Variants in PKHD1 observed in about 807,000 individuals in gnomAD.
PKHD1 encodes the protein PKHD1 ciliary IPT domain containing fibrocystin/polyductin.
PKHD1 carries 291 observed loss-of-function variants against 412.0 expected under a neutral mutation model. That is an observed-to-expected ratio of 0.71 (90% CI 0.64 to 0.78). The LOEUF is 0.78. PKHD1 is among the 30% of genes least tolerant of loss of function. The probability of loss-of-function intolerance (pLI) is 0.00; values close to 1 mark genes in which losing one functional copy is unlikely to be tolerated. For missense variants in PKHD1, 4,825 were observed against 4,950.7 expected (o/e 0.97, Z 0.76); for synonymous variants, 1,777 against 1,821.5 (o/e 0.98, Z 0.62).
At chr6:51,715,977 T>A (rs1371893223) in intron 60 of PKHD1, among the ~76,000 whole-genome samples, 1 of 152,230 alleles carries the variant, frequency 6.6e-6, no homozygotes, top group Non-Finnish European at 1.5e-5. Flanking sequence ...AAAGTTTTAC[T>A]TCTAGAGATG....
At chr6:51,679,907 C>A (rs935767616) in intron 60 of PKHD1, among the ~76,000 whole-genome samples, 4 of 152,002 alleles carry the variant, frequency 2.6e-5, no homozygotes, top group South Asian at 4.1e-4. Context: ...AGATGTTATA[C>A]CACAGTGATT....
intron 18 of PKHD1, among the ~76,000 whole-genome samples, chr6:52,056,011 G>A (rs1807668207): frequency 6.6e-6 from 1 of 152,150 alleles, no homozygotes; most frequent in Admixed American, 6.5e-5. Flanking sequence ...TAATATTTTA[G>A]GGGCTGGATA....
At chr6:51,687,273 C>T (rs982142731) in intron 60 of PKHD1, among the ~76,000 whole-genome samples, 2 of 151,056 alleles carry the variant, frequency 1.3e-5, no homozygotes, top group African/African-American at 4.9e-5. Context: ...CAACAAAAAT[C>T]AGATGATAAA....
intron 27 of PKHD1, 41 bp from the exon 28 acceptor site, chr6:52,035,762 T>C (rs1477127090): frequency 2.5e-6 from 4 of 1,602,282 alleles, no homozygotes; most frequent in Admixed American, 3.3e-5. Flanking sequence ...TCACCAACCA[T>C]ACAGGCAGAC....
intron 35 of PKHD1, among the ~76,000 whole-genome samples, chr6:51,974,169 G>C (rs956849406): frequency 6.6e-6 from 1 of 152,084 alleles, no homozygotes; most frequent in Non-Finnish European, 1.5e-5. Flanking sequence ...CTCTCCAGAA[G>C]AAGTTTCCCT....
At chr6:51,695,450 GGAA>G (rs141482881) in intron 60 of PKHD1, among the ~76,000 whole-genome samples, 141 of 152,130 alleles carry the variant, frequency 9.3e-4, no homozygotes, top group African/African-American at 3.3e-3. Context: ...GAGGAGAAGA[GGAA>G]GAAGAGGAGG....
chr6:51,873,997 C>A (rs1166773789), intron 46 of PKHD1, among the ~76,000 whole-genome samples: 1 of 151,966 alleles, frequency 6.6e-6, no homozygotes, highest in Admixed American at 6.6e-5. Flanking sequence ...AGATTTCTCC[C>A]AGGGAGAGCT....
chr6:51,670,979 C>T (rs1381377405), intron 60 of PKHD1, among the ~76,000 whole-genome samples: 3 of 152,078 alleles, frequency 2.0e-5, no homozygotes, highest in South Asian at 2.1e-4. Context: ...CTGCCCTTAA[C>T]ATTTTTTCCT....
Position 51,830,882 on chromosome 6 carries a change from C to G in PKHD1, c.8281G>C (p.Asp2761His). Residue 2761 changes from aspartate (D) to histidine (H), a missense_variant, in exon 52 of 67, where the codon GAT becomes CAT. Coordinates refer to ENST00000371117, the MANE Select transcript of PKHD1 (RefSeq NM_138694.4). ...TCACTGGGTAAAATGAGAACGTCAT[C>G]CCCAGGGCCTGGAATGGTATTGTTG... ...GYNNTIPGPG[D>H]DVLILPNRTV... 6.2e-7 allele frequency: 1 copy of G among 1,612,764 alleles called. No homozygotes were observed. The highest frequency in any genetic ancestry group is 8.5e-7 in the Non-Finnish European group (1 of 1,179,014).
intron 48 of PKHD1, among the ~76,000 whole-genome samples, chr6:51,865,032 A>G (rs937131532): frequency 6.6e-6 from 1 of 152,192 alleles, no homozygotes; most frequent in African/African-American, 2.4e-5. Context: ...TGTCACTGGC[A>G]TGTGTTTCTG....
intron 56 of PKHD1, 90 bp downstream of exon 56, chr6:51,754,694 T>A: frequency 9.4e-7 from 1 of 1,065,560 alleles, no homozygotes; most frequent in East Asian, 2.4e-5. Context: ...CCCCTCTGAA[T>A]GGCAATCAGA....
Position 51,620,804 on chromosome 6 carries a change from A to G in PKHD1, c.11786-1284T>C, listed in dbSNP as rs192694381. Among the ~76,000 whole-genome samples the G allele has an allele frequency of 4.5e-4, 65 of 144,908 alleles. 3 individuals carry two copies. The East Asian group carries it at 9.0e-3, about 20-fold the overall frequency. ...TATATATACATATATATATATGTAT[A>G]TATATATATATAATGCTTTTGATTT... is the stretch of plus-strand genomic sequence containing the variant. On this transcript the variant is annotated intron_variant, in intron 66 of 66. Transcript: ENST00000371117.
Position 51,659,754 on chromosome 6 carries a change from T to C in PKHD1, c.10372A>G (p.Thr3458Ala), listed in dbSNP as rs760790892. ...CTGATGGGTAAGATAGAATAGAAAG[T>C]AGACACTGACCCAGAAGTAGAGCAG... ...IPCSTSGSVS[T>A]FYSILPIRQI... Residue 3458 changes from threonine (T) to alanine (A), a missense_variant, in exon 61 of 67, where the codon ACT becomes GCT. By Grantham distance (58) the Thr-to-Ala change is moderately conservative. Transcript: ENST00000371117. 17 of 1,613,576 alleles carry C rather than the reference T, an allele frequency of 1.1e-5. No individual in the cohort carries two copies. In the South Asian group the frequency reaches 1.3e-4, roughly 13 times the overall value.
chr6:51,858,958 C>T (rs1363302703), intron 48 of PKHD1, among the ~76,000 whole-genome samples: 1 of 152,086 alleles, frequency 6.6e-6, no homozygotes, highest in Non-Finnish European at 1.5e-5. Context: ...AGGATATTTG[C>T]CAAGAGGACA....
rs573757507 is a variant in PKHD1 at position 51,912,204 on chromosome 6, T to G, written c.6332+162A>C. 1.4e-4 allele frequency among the ~76,000 whole-genome samples: 21 copies of G among 152,238 alleles called. No individual in the cohort carries two copies. The South Asian group carries it at 4.3e-3, about 32-fold the overall frequency. On this transcript the variant is annotated intron_variant, in intron 38 of 66. Transcript: ENST00000371117. The stretch of plus-strand genomic sequence containing the variant: ...CAAACTAACTTACAAAGTCTAAATC[T>G]TCAAAACATTTCATGCTTTTTAATT...
intron 37 of PKHD1, among the ~76,000 whole-genome samples, chr6:51,932,769 C>T (rs1786847692): frequency 1.3e-5 from 2 of 152,080 alleles, no homozygotes; most frequent in Admixed American, 6.5e-5. Flanking sequence ...AAATTTGATC[C>T]CCAGTGTCTA....
intron 35 of PKHD1, among the ~76,000 whole-genome samples, chr6:51,964,096 G>A (rs1031863447): frequency 1.3e-5 from 2 of 152,126 alleles, no homozygotes; most frequent in African/African-American, 4.8e-5. Context: ...CAGCTAGGAA[G>A]CTTATGCAAT....
At chr6:51,639,206 A>C (rs1171580096) in intron 63 of PKHD1, among the ~76,000 whole-genome samples, 1 of 152,132 alleles carries the variant, frequency 6.6e-6, no homozygotes, top group South Asian at 2.1e-4. Context: ...TTGCCTACAA[A>C]CTACACAACA....
chr6:51,637,899 A>G (rs1381712130), intron 64 of PKHD1, among the ~76,000 whole-genome samples: 2 of 152,080 alleles, frequency 1.3e-5, no homozygotes, highest in African/African-American at 4.8e-5. Flanking sequence ...GTGAGATTCC[A>G]TCTCAAAAAA....
Sources: gnomAD v4.1 joint callset for allele counts (sites outside exome capture counted in the v4.1 genomes callset) on GRCh38, gnomAD v4.1.1 for gene constraint, MANE v1.5 for transcripts, NCBI Gene and HGNC (gene_info 2026-07-23, HGNC 2026-07-21) for gene names.